The following FNIP1 variants were observed in gnomAD, a reference collection of about 807,000 sequenced individuals.
FNIP1 encodes folliculin interacting protein 1.
A neutral mutation model predicts 124.5 loss-of-function variants in FNIP1; 40 were observed. The observed-to-expected ratio is 0.32, with a 90% CI of 0.25 to 0.42. The LOEUF is 0.42. Ranked by LOEUF, FNIP1 falls within the 10% of genes least tolerant of loss-of-function variation. The pLI, the probability that FNIP1 is intolerant of heterozygous loss-of-function variation, is 1.00. For synonymous variants in FNIP1, 472 were observed against 470.6 expected (o/e 1.00, Z -0.04); for missense variants, 1,176 against 1,403.7 (o/e 0.84, Z 2.59).
At chr5:131,663,546 TAAAATG>T (rs1255875288) in intron 15 of FNIP1, among the ~76,000 whole-genome samples, 1 of 152,206 alleles carries the variant, frequency 6.6e-6, no homozygotes, top group African/African-American at 2.4e-5. Context: ...ATTGGTAAAG[TAAAATG>T]AAAATGTCTT....
In FNIP1 at chr5:131,677,795, G is replaced by A. The variant is rs202167335; in HGVS notation, c.1427C>T (p.Pro476Leu). ...WVPTVMPNGQ[P>L]PIKIFLEKHS... ...CTTTTCTAAAAATATTTTTATAGGTGGTTGTCCATTTGGCATGACTGTTGG... is the reference window on the plus strand; with the variant it reads ...CTTTTCTAAAAATATTTTTATAGGTAGTTGTCCATTTGGCATGACTGTTGG... Residue 476 changes from proline (P) to leucine (L), a missense_variant, in exon 13 of 18, where the codon CCA (proline) becomes CTA (leucine). This residue lies in a region of FNIP1 where 1,109 missense variants were observed against 1,288.5 expected (regional missense o/e 0.86). Transcript: ENST00000510461. 2 of 1,614,072 alleles carry A rather than the reference G, an allele frequency of 1.2e-6. No homozygotes were observed. The highest frequency in any genetic ancestry group is 2.2e-5 in the East Asian group (1 of 44,866).
intron 13 of FNIP1, among the ~76,000 whole-genome samples, chr5:131,674,587 G>A (rs187093613): frequency 4.6e-5 from 7 of 151,970 alleles, no homozygotes; most frequent in Non-Finnish European, 7.4e-5. Context: ...GCATGGTGGC[G>A]CGCACCTGTA....
At chr5:131,762,195 G>A (rs1023247442) in intron 1 of FNIP1, among the ~76,000 whole-genome samples, 1 of 152,016 alleles carries the variant, frequency 6.6e-6, no homozygotes, top group African/African-American at 2.4e-5. Context: ...TATTGAACTA[G>A]GCAAAGATAT....
chr5:131,772,243 G>T (rs947149418), intron 1 of FNIP1, among the ~76,000 whole-genome samples: 4 of 152,056 alleles, frequency 2.6e-5, no homozygotes, highest in African/African-American at 7.2e-5. Flanking sequence ...CCAGGGGCTC[G>T]ATGTGGGGGA....
chr5:131,677,928 A>G, intron 12 of FNIP1, 56 bp from the exon 13 acceptor site: 1 of 1,553,804 alleles, frequency 6.4e-7, no homozygotes, highest in South Asian at 1.2e-5. Context: ...AACCTTAGGT[A>G]AAATGTAGTG....
chr5:131,694,325 C>T (rs138007939), intron 11 of FNIP1, among the ~76,000 whole-genome samples: 11 of 152,120 alleles, frequency 7.2e-5, no homozygotes, highest in African/African-American at 1.9e-4. Context: ...AGATATCTTT[C>T]GATAGGTGAA....
At chr5:131,725,870 C>G (rs1769844025) in intron 3 of FNIP1, among the ~76,000 whole-genome samples, 1 of 152,104 alleles carries the variant, frequency 6.6e-6, no homozygotes, top group Non-Finnish European at 1.5e-5. Flanking sequence ...AGATATATTC[C>G]ATCAATACCT....
At chr5:131,788,661 A>G (rs953046361) in intron 1 of FNIP1, among the ~76,000 whole-genome samples, 1 of 148,368 alleles carries the variant, frequency 6.7e-6, no homozygotes, top group Non-Finnish European at 1.5e-5. Context: ...GGATTGTGCC[A>G]CTGCACTCCA....
intron 13 of FNIP1, among the ~76,000 whole-genome samples, chr5:131,676,118 T>C (rs1335192892): frequency 6.6e-6 from 1 of 151,586 alleles, no homozygotes; most frequent in African/African-American, 2.4e-5. Flanking sequence ...GCCTCCTGGG[T>C]TCACACCATT....
At chr5:131,737,659 C>G (rs1770359569) in intron 2 of FNIP1, among the ~76,000 whole-genome samples, 1 of 152,148 alleles carries the variant, frequency 6.6e-6, no homozygotes, top group South Asian at 2.1e-4. Flanking sequence ...AATGGTAGTA[C>G]TCTTCTGTTT....
intron 1 of FNIP1, among the ~76,000 whole-genome samples, chr5:131,791,560 T>C (rs1772405401): frequency 6.6e-6 from 1 of 152,170 alleles, no homozygotes. Flanking sequence ...AACCTGAGCA[T>C]CAGAATTGCC....
intron 1 of FNIP1, among the ~76,000 whole-genome samples, chr5:131,745,508 A>G (rs1770647091): frequency 6.6e-6 from 1 of 152,186 alleles, no homozygotes; most frequent in Admixed American, 6.5e-5. Context: ...TGACAGAATG[A>G]GACCCTGTCT....
chr5:131,786,645 A>T (rs1772229152), intron 1 of FNIP1, among the ~76,000 whole-genome samples: 1 of 152,232 alleles, frequency 6.6e-6, no homozygotes, highest in Admixed American at 6.5e-5. Flanking sequence ...AGGTGAGACT[A>T]TTAAGAGGTG....
chr5:131,727,153 G>A (rs1769907385), intron 3 of FNIP1, among the ~76,000 whole-genome samples: 1 of 152,184 alleles, frequency 6.6e-6, no homozygotes, highest in South Asian at 2.1e-4. Context: ...TTCTGCAGAT[G>A]TCTATTAGGT....
chr5:131,732,843 T>G, intron 2 of FNIP1, among the ~76,000 whole-genome samples: 1 of 152,168 alleles, frequency 6.6e-6, no homozygotes, highest in Non-Finnish European at 1.5e-5. Context: ...AACTTGAAAG[T>G]AGTTTTTTCC....
Position 131,721,493 on chromosome 5 carries a change from A to AT in FNIP1, c.355-2077dup, listed in dbSNP as rs978843306. Among the ~76,000 whole-genome samples the AT allele has an allele frequency of 2.3e-3, 330 of 143,026 alleles. 2 individuals are homozygous for AT. The highest frequency in any genetic ancestry group is 8.3e-3 in the African/African-American group (316 of 38,162). 93.8% of individuals were successfully genotyped at this position (143,026 alleles called of 152,430 possible). A position where few individuals can be genotyped will look rare whatever the true frequency, so the allele number is the denominator to read the frequency against. On this transcript the variant is annotated intron_variant, in intron 3 of 17. Transcript: ENST00000510461. ...GGGTAGATCTCATGTTCTTCCCACA[A>AT]TTTTTTTTTTAAAGACTTCCTTGAG...
intron 1 of FNIP1, among the ~76,000 whole-genome samples, chr5:131,748,908 A>G (rs1222912803): frequency 6.6e-6 from 1 of 152,138 alleles, no homozygotes; most frequent in Non-Finnish European, 1.5e-5. Context: ...AAGACCTTAC[A>G]GTGGGACAAG....
intron 6 of FNIP1, among the ~76,000 whole-genome samples, chr5:131,715,809 GA>G: frequency 6.6e-6 from 1 of 151,704 alleles, no homozygotes; most frequent in East Asian, 1.9e-4. Flanking sequence ...CAAGTTGGAA[GA>G]AAAAACTTTT....
intron 1 of FNIP1, among the ~76,000 whole-genome samples, chr5:131,764,810 C>T (rs1041547036): frequency 3.3e-5 from 5 of 152,130 alleles, no homozygotes; most frequent in East Asian, 3.9e-4. Flanking sequence ...TAACTCCTCA[C>T]TCAGATATCA....
Sources: gnomAD v4.1 joint callset for allele counts (sites outside exome capture counted in the v4.1 genomes callset) on GRCh38, gnomAD v4.1.1 for gene constraint, gnomAD v4.1.1 regional missense constraint, MANE v1.5 for transcripts, NCBI Gene and HGNC (gene_info 2026-07-23, HGNC 2026-07-21) for gene names.